Variants in GPC6 observed in about 807,000 individuals in gnomAD.
GPC6 encodes the protein glypican 6, also known as glypican-6.
In GPC6, 14 loss-of-function variants were observed where a neutral mutation model predicts 55.2. That is an observed-to-expected ratio of 0.25 (90% confidence interval 0.17 to 0.40). The LOEUF (loss-of-function observed/expected upper bound fraction) is 0.40. Among genes scored for constraint, GPC6 ranks in the 10% least tolerant of loss-of-function variants. GPC6 has a pLI of 1.00. For synonymous variants in GPC6, 278 were observed against 259.6 expected, an observed-to-expected ratio of 1.07 and a Z score of -0.68; for missense variants, 641 against 708.5, an observed-to-expected ratio of 0.90 and a Z score of 1.08.
At chr13:93,505,164 A>G (rs766489994) in intron 1 of GPC6, among the ~76,000 whole-genome samples, 1 of 152,200 alleles carries the variant, frequency 6.6e-6, no homozygotes, top group Non-Finnish European at 1.5e-5. Flanking sequence ...TACAATTAAT[A>G]TAGTAGTATA....
chr13:93,838,443 G>A (rs2138993609), intron 3 of GPC6, among the ~76,000 whole-genome samples: 1 of 152,250 alleles, frequency 6.6e-6, no homozygotes, highest in South Asian at 2.1e-4. Context: ...ATGTGCAAAG[G>A]CATAAATCAT....
At chr13:93,509,255 C>G (rs1880851921) in intron 1 of GPC6, among the ~76,000 whole-genome samples, 1 of 152,172 alleles carries the variant, frequency 6.6e-6, no homozygotes, top group Non-Finnish European at 1.5e-5. Context: ...TATCAGGCAA[C>G]AAGTCAGGTG....
intron 4 of GPC6, among the ~76,000 whole-genome samples, chr13:94,138,950 T>A (rs1444879559): frequency 6.6e-6 from 1 of 151,978 alleles, no homozygotes; most frequent in Non-Finnish European, 1.5e-5. Context: ...TATACCGGGA[T>A]AAGGAATGTG....
chr13:93,487,703 C>T (rs1879781075), intron 1 of GPC6, among the ~76,000 whole-genome samples: 1 of 152,134 alleles, frequency 6.6e-6, no homozygotes, highest in African/African-American at 2.4e-5. Context: ...AGTAGGATGA[C>T]ATTTAAAAAC....
intron 2 of GPC6, among the ~76,000 whole-genome samples, chr13:93,687,065 C>T (rs1247348406): frequency 6.6e-6 from 1 of 151,882 alleles, no homozygotes; most frequent in Non-Finnish European, 1.5e-5. Flanking sequence ...TAATCAAGTT[C>T]ATTTTTGTCA....
intron 4 of GPC6, among the ~76,000 whole-genome samples, chr13:94,228,481 A>T (rs778376873): frequency 6.6e-6 from 1 of 152,186 alleles, no homozygotes; most frequent in African/African-American, 2.4e-5. Flanking sequence ...TCTAGAAACT[A>T]TATTTTAGAA....
intron 1 of GPC6, among the ~76,000 whole-genome samples, chr13:93,484,926 C>CAATA (rs1244410163): frequency 6.6e-6 from 1 of 152,020 alleles, no homozygotes; most frequent in East Asian, 1.9e-4. Context: ...AGTTATTCTT[C>CAATA]AATAAATAAA....
intron 4 of GPC6, among the ~76,000 whole-genome samples, chr13:94,268,616 T>A (rs765399172): frequency 2.0e-5 from 3 of 152,194 alleles, no homozygotes; most frequent in Admixed American, 6.5e-5. Context: ...GACTCTATCA[T>A]CAAATAGCAG....
intron 6 of GPC6, among the ~76,000 whole-genome samples, chr13:94,351,731 G>T (rs564927093): frequency 2.0e-5 from 3 of 151,756 alleles, no homozygotes; most frequent in Non-Finnish European, 2.9e-5. Flanking sequence ...CTTCTGTCTC[G>T]GATTTAAACA....
chr13:94,124,892 A>G (rs1267565583), intron 4 of GPC6, among the ~76,000 whole-genome samples: 1 of 152,148 alleles, frequency 6.6e-6, no homozygotes. Context: ...AAGGAACCCT[A>G]GAGGTGGAAC....
At chr13:93,526,889 G>C (rs1402071772) in intron 1 of GPC6, among the ~76,000 whole-genome samples, 1 of 152,098 alleles carries the variant, frequency 6.6e-6, no homozygotes, top group African/African-American at 2.4e-5. Context: ...GCTTCCAGCA[G>C]TATCATAGGA....
In GPC6 at chr13:93,665,282, A is replaced by C. The variant is rs568688711; in HGVS notation, c.319+119861A>C. On this transcript the variant is annotated intron_variant, in intron 2 of 8. Coordinates refer to ENST00000377047, the MANE Select transcript of GPC6 (RefSeq NM_005708.5). ...TGCAGCCATGCAGCCATGCAAAATA[A>C]TTGAACTGATTTGAAATGAAGTTCA... is the stretch of plus-strand genomic sequence containing the variant. Among the ~76,000 whole-genome samples the C allele has an allele frequency of 2.0e-5, 3 of 152,378 alleles. No individual in the cohort carries two copies. In the East Asian group the frequency reaches 5.8e-4, roughly 29 times the overall value.
chr13:93,334,472 T>G (rs1032053304), intron 1 of GPC6, among the ~76,000 whole-genome samples: 16 of 152,168 alleles, frequency 1.1e-4, no homozygotes, highest in African/African-American at 3.6e-4. Flanking sequence ...TCTTATTTAT[T>G]TATTTTTTGA....
rs1877638871 is a variant in GPC6, at chr13:93,438,036, G to T, written c.161-107227G>T. On this transcript the variant is annotated intron_variant, in intron 1 of 8. Transcript: ENST00000377047. ...CCACTCTGACTGTGTTCTATAAGTG[G>T]AACAACCAAACCTGGATTGACAGTG... is the stretch of plus-strand genomic sequence containing the variant. 2.0e-5 allele frequency among the ~76,000 whole-genome samples: 3 copies of T among 152,200 alleles called. No individual in the cohort carries two copies. The South Asian group carries it at 6.2e-4, about 32-fold the overall frequency.
intron 1 of GPC6, among the ~76,000 whole-genome samples, chr13:93,453,356 T>C (rs751239484): frequency 7.9e-5 from 12 of 152,080 alleles, no homozygotes; most frequent in Non-Finnish European, 1.5e-4. Context: ...AAGTTGAAAT[T>C]AGAACATTGA....
chr13:93,968,202 G>A (rs1253350898), intron 3 of GPC6, among the ~76,000 whole-genome samples: 2 of 152,078 alleles, frequency 1.3e-5, no homozygotes, highest in Non-Finnish European at 2.9e-5. Context: ...CAATTGATAT[G>A]GAAGAGAGAG....
intron 2 of GPC6, among the ~76,000 whole-genome samples, chr13:93,703,323 C>T (rs943924480): frequency 6.6e-6 from 1 of 151,836 alleles, no homozygotes; most frequent in Non-Finnish European, 1.5e-5. Context: ...AGAGCAATTA[C>T]AATTGTTAAT....
At chr13:94,208,753 CAA>C (rs762261930) in intron 4 of GPC6, among the ~76,000 whole-genome samples, 1 of 36,228 alleles carries the variant, frequency 2.8e-5, no homozygotes, top group Non-Finnish European at 5.2e-5. Flanking sequence ...TCCCATCTCC[CAA>C]AAAAAAAAAA....
chr13:94,330,943 C>G (rs573633490), intron 6 of GPC6, among the ~76,000 whole-genome samples: 2 of 152,152 alleles, frequency 1.3e-5, no homozygotes, highest in South Asian at 4.2e-4. Flanking sequence ...TAAGACTGTT[C>G]TACGAGTTTA....
Sources: allele counts gnomAD v4.1 joint callset (sites outside exome capture counted in the v4.1 genomes callset), GRCh38; gene constraint gnomAD v4.1.1; transcripts MANE v1.5; gene names NCBI Gene and HGNC (gene_info 2026-07-23, HGNC 2026-07-21).